Variants in CAPN11 observed in about 807,000 individuals in gnomAD.
CAPN11 encodes calpain 11, also known as calpain-11.
CAPN11 carries 108 observed loss-of-function variants against 105.3 expected under a neutral mutation model. The ratio of observed to expected loss-of-function variants is 1.03; its 90% CI spans 0.88 to 1.20. The LOEUF is 1.20. Among genes scored for constraint, CAPN11 ranks in the 50% most tolerant of loss-of-function variants. The probability of loss-of-function intolerance (pLI) is 0.00; values close to 1 mark genes in which losing one functional copy is unlikely to be tolerated. For synonymous variants in CAPN11, 329 were observed against 344.5 expected (o/e 0.96, Z 0.50); for missense variants, 883 against 924.8 (o/e 0.95, Z 0.59).
Position 44,173,348 on chromosome 6 carries a change from G to A in CAPN11, c.793G>A (p.Ala265Thr). ...PQNLLRLLRK[A>T]VERSSLMGCS... The stretch of plus-strand genomic sequence containing the variant: ...GAACCTGCTCAGGCTCCTTAGGAAG[G>A]CCGTGGAGCGATCCTCCCTCATGGG... Residue 265 changes from alanine to threonine, a missense_variant, in exon 7 of 23, where the codon GCC becomes ACC. Coordinates refer to ENST00000398776, the MANE Select transcript of CAPN11 (RefSeq NM_007058.4). 1 of 1,613,476 alleles carries A rather than the reference G, an allele frequency of 6.2e-7. No homozygotes were observed.
At chr6:44,161,920 C>T (rs1364331070) in intron 1 of CAPN11, 3 of 455,684 alleles carry the variant, frequency 6.6e-6, no homozygotes, top group Admixed American at 4.7e-5. Context: ...ATTCGCTCAA[C>T]CCAGGTTTGT....
chr6:44,183,829 A>T, intron 22 of CAPN11, 66 bp downstream of exon 22: 1 of 1,116,680 alleles, frequency 9.0e-7, no homozygotes, highest in South Asian at 1.3e-5. Context: ...CCCCACCCCC[A>T]CCCAGCTCTG....
Position 44,166,757 on chromosome 6 carries a change from G to C in CAPN11, c.17-1G>C. On this transcript the variant is annotated splice_acceptor_variant, in intron 1 of 22. Coordinates refer to ENST00000398776, the MANE Select transcript of CAPN11 (RefSeq NM_007058.4). LOFTEE classifies it high-confidence loss of function. ...CCTCCTCCCACTCTTTCTTATTCTA[G>C]GGCCGAGTCTTCCGGAGTCAGCAGA... 1 of 1,551,438 alleles carries C rather than the reference G, an allele frequency of 6.4e-7. No homozygotes were observed. The highest frequency in any genetic ancestry group is 8.7e-7 in the Non-Finnish European group (1 of 1,146,458).
chr6:44,177,936 C>T (rs991170938), intron 12 of CAPN11, among the ~76,000 whole-genome samples: 2 of 152,088 alleles, frequency 1.3e-5, no homozygotes, highest in African/African-American at 2.4e-5. Context: ...CGGCTCACAG[C>T]GGCCCTGACC....
chr6:44,172,538 A>G (rs1418487), intron 5 of CAPN11, 118 bp downstream of exon 5: 483,808 of 648,676 alleles, frequency 0.75, 182,317 homozygotes, highest in African/African-American at 0.91. Flanking sequence ...TGGGTTTTGG[A>G]CTAATTATCA....
rs1774200346 is a variant in CAPN11 at position 44,184,009 on chromosome 6, T to C, written c.*77T>C. The stretch of plus-strand genomic sequence containing the variant: ...CTAGCCCAGGAGGGTGGGGTGCTTC[T>C]TGTAGCCCTCAGCTCTCCGGTCTCT... On this transcript the variant is annotated 3_prime_UTR_variant, in exon 23 of 23. Transcript: ENST00000398776. The C allele has an allele frequency of 1.3e-6, 2 of 1,486,926 alleles. No individual in the cohort carries two copies. The highest frequency in any genetic ancestry group is 1.8e-6 in the Non-Finnish European group (2 of 1,090,374). The allele number at this position is 1,486,926 out of a possible 1,614,324, so 92.1% of individuals were successfully genotyped here.
rs979199561 is a variant in CAPN11, at chr6:44,180,626, G to T, written c.1710G>T (p.Gln570His). The T allele has an allele frequency of 6.2e-7, 1 of 1,613,780 alleles. No homozygotes were observed. The highest frequency in any genetic ancestry group is 8.5e-7 in the Non-Finnish European group (1 of 1,179,834). ...AGGTCTCTGAGGATGACATGGACCA[G>T]GACTTCCTACATTTGTTTAAGATAG... ...EEKVSEDDMD[Q>H]DFLHLFKIVA... The change falls in exon 16 of 23, where the codon CAG becomes CAT. Residue 570 changes from glutamine to histidine, a missense_variant. Physicochemically the swap from Gln to His is conservative, Grantham distance 24 (BLOSUM62 0). Transcript: ENST00000398776.
At position 44,173,262 on chromosome 6, in the gene CAPN11, A is replaced by T. The variant is rs760134227; in HGVS notation, c.707A>T (p.Glu236Val). 6.2e-7 allele frequency: 1 copy of T among 1,613,920 alleles called. No homozygotes were observed. The highest frequency in any genetic ancestry group is 8.5e-7 in the Non-Finnish European group (1 of 1,179,868). The change falls in exon 7 of 23, where the codon GAG becomes GTG. Residue 236 changes from glutamate (E) to valine (V), a missense_variant. Physicochemically the swap from Glu to Val is moderately radical, Grantham distance 121. Coordinates refer to ENST00000398776, the MANE Select transcript of CAPN11 (RefSeq NM_007058.4). ...YEALSGGSTM[E>V]GLEDFTGGVA... The stretch of plus-strand genomic sequence containing the variant: ...GCATTGTCAGGGGGCAGTACCATGG[A>T]GGGCCTTGAGGACTTCACAGGAGGC...
At chr6:44,164,806 A>G (rs1037192743) in intron 1 of CAPN11, among the ~76,000 whole-genome samples, 3 of 152,204 alleles carry the variant, frequency 2.0e-5, no homozygotes, top group African/African-American at 7.2e-5. Flanking sequence ...CATGCTAACA[A>G]GGGAGAGACA....
intron 21 of CAPN11, 85 bp from the exon 22 acceptor site, chr6:44,183,620 G>T (rs1489412471): frequency 1.2e-5 from 15 of 1,265,654 alleles, no homozygotes; most frequent in Non-Finnish European, 1.6e-5. Context: ...ACCTGGTGTC[G>T]CCCCTTCCTA....
intron 6 of CAPN11, 57 bp from the exon 7 acceptor site, chr6:44,173,161 C>T: frequency 1.9e-6 from 3 of 1,604,364 alleles, no homozygotes; most frequent in Non-Finnish European, 2.6e-6. Context: ...AGCAGGACAT[C>T]CCTCCCTCCC....
chr6:44,184,019 C>G lies in CAPN11; in HGVS notation c.*87C>G. The G allele has an allele frequency of 6.9e-7, 1 of 1,441,712 alleles. No individual in the cohort carries two copies. Among genetic ancestry groups the G allele is most frequent in the Non-Finnish European group, 9.5e-7 (1 of 1,051,250 alleles). 89.3% of individuals were successfully genotyped at this position (1,441,712 alleles called of 1,614,324 possible). ...AGGGTGGGGTGCTTCTTGTAGCCCT[C>G]AGCTCTCCGGTCTCTGCTGATGAAA... On this transcript the variant is annotated 3_prime_UTR_variant, in exon 23 of 23. Coordinates refer to ENST00000398776, the MANE Select transcript of CAPN11 (RefSeq NM_007058.4).
rs960914877 is a variant in CAPN11, at chr6:44,167,101, G to A, written c.88+272G>A. Among the ~76,000 whole-genome samples the A allele has an allele frequency of 5.9e-5, 9 of 152,018 alleles. No homozygotes were observed. The South Asian group carries it at 8.3e-4, about 14-fold the overall frequency. ...TGACTCGACTCTTACCCTGACACTC[G>A]CCCAGTGCCACCTGCTCAGCCATTA... On this transcript the variant is annotated intron_variant, in intron 2 of 22. Transcript: ENST00000398776.
intron 1 of CAPN11, among the ~76,000 whole-genome samples, chr6:44,162,671 C>T (rs1358716075): frequency 6.6e-6 from 1 of 152,156 alleles, no homozygotes; most frequent in Non-Finnish European, 1.5e-5. Flanking sequence ...CATTCCCCCA[C>T]AGAACCTCCC....
intron 1 of CAPN11, among the ~76,000 whole-genome samples, chr6:44,160,113 C>T (rs1411334216): frequency 2.6e-5 from 4 of 151,408 alleles, no homozygotes; most frequent in Non-Finnish European, 5.9e-5. Flanking sequence ...CAAGCCTGGG[C>T]GACACAGCGA....
rs116732642 is a variant in CAPN11 at position 44,166,330 on chromosome 6, G to A, written c.17-428G>A. 8.7e-3 allele frequency among the ~76,000 whole-genome samples: 1,322 copies of A among 152,224 alleles called. 14 individuals are homozygous for A. Among genetic ancestry groups the A allele is most frequent in the African/African-American group, 0.029 (1,216 of 41,536 alleles). On this transcript the variant is annotated intron_variant, in intron 1 of 22. Coordinates refer to ENST00000398776, the MANE Select transcript of CAPN11 (RefSeq NM_007058.4). ...TAGCTTGGTCCAGGGTCTGCAGTACGGATTTCACCCCGCGCCCAACCCTCA... is the reference window on the plus strand; with the variant it reads ...TAGCTTGGTCCAGGGTCTGCAGTACAGATTTCACCCCGCGCCCAACCCTCA...
chr6:44,166,866 CTTT>C, intron 2 of CAPN11, 37 bp downstream of exon 2: 1 of 1,374,990 alleles, frequency 7.3e-7, no homozygotes, highest in Non-Finnish European at 1.0e-6. Flanking sequence ...TGTGGCCTCC[CTTT>C]TTCTTCCTCC....
chr6:44,166,844 C>A lies in CAPN11; in HGVS notation c.88+15C>A. 6.5e-7 allele frequency: 1 copy of A among 1,537,494 alleles called. No homozygotes were observed. The highest frequency in any genetic ancestry group is 8.8e-7 in the Non-Finnish European group (1 of 1,134,152). Reference sequence around the variant, plus strand: ...CTCATGTGCGGGTAGGACTGCAGACCCGTCGTGGCTCTGTGGCCTCCCTTT... The same window carrying A: ...CTCATGTGCGGGTAGGACTGCAGACACGTCGTGGCTCTGTGGCCTCCCTTT... On this transcript the variant is annotated intron_variant, in intron 2 of 22. Transcript: ENST00000398776.
chr6:44,177,587 A>T (rs1182771002), intron 12 of CAPN11, 167 bp downstream of exon 12: 9 of 626,190 alleles, frequency 1.4e-5, no homozygotes. Flanking sequence ...TCCCCAGTTC[A>T]AGTGATTCTC....
Sources: gnomAD v4.1 joint callset for allele counts (sites outside exome capture counted in the v4.1 genomes callset) on GRCh38, gnomAD v4.1.1 for gene constraint, MANE v1.5 for transcripts, NCBI Gene and HGNC (gene_info 2026-07-23, HGNC 2026-07-21) for gene names.